Variants in GBE1 observed in about 807,000 individuals in gnomAD.
The protein encoded by GBE1 is 1,4-alpha-glucan-branching enzyme.
Under a neutral mutation model 88.8 loss-of-function variants are expected in GBE1, and 70 were observed. That is an observed-to-expected ratio of 0.79 (90% CI 0.65 to 0.96). The LOEUF (loss-of-function observed/expected upper bound fraction) is 0.96, where lower values mean the gene tolerates loss of function less well. Among genes scored for constraint, GBE1 ranks in the 40% least tolerant of loss-of-function variants. The pLI, the probability that GBE1 is intolerant of heterozygous loss-of-function variation, is 0.00. For missense variants in GBE1, 872 were observed against 871.0 expected (o/e 1.00, Z -0.01); for synonymous variants, 284 against 300.1 (o/e 0.95, Z 0.56).
chr3:81,706,849 A>C (rs141603644), intron 1 of GBE1, among the ~76,000 whole-genome samples: 1 of 151,596 alleles, frequency 6.6e-6, no homozygotes, highest in African/African-American at 2.4e-5. Flanking sequence ...TCAATAGATA[A>C]TGATGAGTTA....
intron 14 of GBE1, among the ~76,000 whole-genome samples, chr3:81,505,972 C>A (rs1011799854): frequency 6.6e-5 from 10 of 151,966 alleles, no homozygotes; most frequent in Admixed American, 5.9e-4. Context: ...TATAAAAACC[C>A]TGAAAGACAC....
intron 7 of GBE1, among the ~76,000 whole-genome samples, chr3:81,619,097 A>T (rs1404080102): frequency 6.6e-6 from 1 of 152,110 alleles, no homozygotes; most frequent in East Asian, 1.9e-4. Context: ...TTAAAACGGT[A>T]TCTCTGGTAA....
intron 15 of GBE1, among the ~76,000 whole-genome samples, chr3:81,495,465 T>G (rs1702489575): frequency 6.7e-6 from 1 of 150,330 alleles, no homozygotes. Flanking sequence ...TTTTTTATAA[T>G]AAAAATCACA....
intron 14 of GBE1, among the ~76,000 whole-genome samples, chr3:81,499,639 T>C (rs1228342255): frequency 6.6e-6 from 1 of 152,188 alleles, no homozygotes. Context: ...TACTAATAGT[T>C]ATACTATCTC....
At position 81,525,529 on chromosome 3, in the gene GBE1, G is replaced by A. The variant is rs541128982; in HGVS notation, c.1934+9666C>T. ...GTGTCTCTGTGAGGCTTTGGTATCAGGATGATGCTGGCCTCATAAAATGAG... is the reference window on the plus strand; with the variant it reads ...GTGTCTCTGTGAGGCTTTGGTATCAAGATGATGCTGGCCTCATAAAATGAG... On this transcript the variant is annotated intron_variant, in intron 14 of 15. Transcript: ENST00000429644. Among the ~76,000 whole-genome samples, 119 of 152,192 alleles carry A rather than the reference G, an allele frequency of 7.8e-4. 1 individual carries two copies. Among genetic ancestry groups the A allele is most frequent in the South Asian group, 2.5e-3 (12 of 4,826 alleles).
At chr3:81,556,504 A>T (rs1364486771) in intron 12 of GBE1, among the ~76,000 whole-genome samples, 1 of 152,086 alleles carries the variant, frequency 6.6e-6, no homozygotes, top group African/African-American at 2.4e-5. Flanking sequence ...GGTAACGAGA[A>T]ACTTTTAATA....
chr3:81,705,720 T>C, intron 1 of GBE1, 107 bp from the exon 2 acceptor site: 1 of 619,152 alleles, frequency 1.6e-6, no homozygotes, highest in Non-Finnish European at 2.6e-6. Context: ...AAAAAGACAT[T>C]ATTAAAGAAG....
At chr3:81,540,637 T>C (rs990746259) in intron 12 of GBE1, among the ~76,000 whole-genome samples, 1 of 152,120 alleles carries the variant, frequency 6.6e-6, no homozygotes, top group Non-Finnish European at 1.5e-5. Context: ...AGTGCTGAAG[T>C]TCTGCACAGA....
intron 1 of GBE1, among the ~76,000 whole-genome samples, chr3:81,708,225 T>A (rs1367726050): frequency 1.3e-5 from 2 of 152,010 alleles, no homozygotes; most frequent in Admixed American, 6.6e-5. Flanking sequence ...CAGTATGTGA[T>A]GAAAGGGCAT....
chr3:81,649,748 C>G (rs1350767023), intron 4 of GBE1, 48 bp downstream of exon 4: 1 of 1,510,340 alleles, frequency 6.6e-7, no homozygotes, highest in Non-Finnish European at 9.0e-7. Context: ...AATTAACTTT[C>G]CTAGAAATAT....
intron 3 of GBE1, among the ~76,000 whole-genome samples, chr3:81,661,751 G>A (rs1705034608): frequency 6.6e-6 from 1 of 152,118 alleles, no homozygotes; most frequent in African/African-American, 2.4e-5. Context: ...GTAAAAGACA[G>A]AGTAGCTACA....
chr3:81,687,384 C>A (rs115300689), intron 2 of GBE1, among the ~76,000 whole-genome samples: 2,235 of 152,170 alleles, frequency 0.015, 18 homozygotes, highest in Non-Finnish European at 0.021. Flanking sequence ...TTTCTTCTAC[C>A]AACTTTTGAA....
chr3:81,503,706 G>A (rs1322592717), intron 14 of GBE1, among the ~76,000 whole-genome samples: 2 of 152,182 alleles, frequency 1.3e-5, no homozygotes, highest in East Asian at 1.9e-4. Flanking sequence ...GTTGGGAGGT[G>A]CGCGTAAGTC....
intron 12 of GBE1, among the ~76,000 whole-genome samples, chr3:81,542,462 G>A (rs927061192): frequency 6.6e-6 from 1 of 151,996 alleles, no homozygotes; most frequent in African/African-American, 2.4e-5. Flanking sequence ...CTCATGATTC[G>A]AAGATACAGG....
intron 7 of GBE1, among the ~76,000 whole-genome samples, chr3:81,610,872 G>A (rs1364843049): frequency 6.6e-6 from 1 of 152,046 alleles, no homozygotes; most frequent in Non-Finnish European, 1.5e-5. Context: ...AAAAGTGGTT[G>A]GCTTTCCCTC....
chr3:81,724,967 C>A (rs1049483617), intron 1 of GBE1, among the ~76,000 whole-genome samples: 3 of 152,060 alleles, frequency 2.0e-5, no homozygotes, highest in Non-Finnish European at 4.4e-5. Flanking sequence ...AGATGCTTGC[C>A]AAAATGCCTG....
At chr3:81,620,314 C>T (rs1173349642) in intron 7 of GBE1, among the ~76,000 whole-genome samples, 6 of 151,878 alleles carry the variant, frequency 4.0e-5, no homozygotes. Context: ...TCCTGAGTAG[C>T]TGGGATTACA....
At chr3:81,705,385 A>T in intron 2 of GBE1, 59 bp downstream of exon 2, 1 of 1,154,756 alleles carries the variant, frequency 8.7e-7, no homozygotes, top group Non-Finnish European at 1.2e-6. Context: ...TATAAGAAAT[A>T]TATGTATTAA....
chr3:81,600,288 A>G (rs1211854815), intron 7 of GBE1, among the ~76,000 whole-genome samples: 1 of 152,038 alleles, frequency 6.6e-6, no homozygotes, highest in Non-Finnish European at 1.5e-5. Context: ...AAATAAATAA[A>G]TGACTAAATA....
Sources: gnomAD v4.1 joint callset for allele counts (sites outside exome capture counted in the v4.1 genomes callset) on GRCh38, gnomAD v4.1.1 for gene constraint, MANE v1.5 for transcripts, NCBI Gene and HGNC (gene_info 2026-07-23, HGNC 2026-07-21) for gene names.